Variants in SLCO1C1 observed in about 807,000 individuals in gnomAD.
SLCO1C1 encodes solute carrier organic anion transporter family member 1C1.
In SLCO1C1, 70 loss-of-function variants were observed where a neutral mutation model predicts 76.4. That is an observed-to-expected ratio of 0.92 (90% CI 0.76 to 1.12). SLCO1C1 has a LOEUF of 1.12. SLCO1C1 is among the 50% of genes most tolerant of loss of function. SLCO1C1 has a pLI of 0.00. For synonymous variants in SLCO1C1, 306 were observed against 286.1 expected (o/e 1.07, Z -0.70); for missense variants, 912 against 823.8 (o/e 1.11, Z -1.31).
At chr12:20,740,052 T>C (rs1041555896) in intron 11 of SLCO1C1, 132 bp from the exon 12 acceptor site, 9 of 904,470 alleles carry the variant, frequency 1.0e-5, no homozygotes, top group Admixed American at 2.9e-5. Context: ...TATACTGTAA[T>C]ACAAAAAAAT....
intron 12 of SLCO1C1, among the ~76,000 whole-genome samples, chr12:20,740,787 T>TTTTATATATATATATATA (rs1217819863): frequency 4.4e-4 from 33 of 75,072 alleles, no homozygotes; most frequent in African/African-American, 1.6e-3. Context: ...TTTATTTTAT[T>TTTTATATATATATATATA]TATATATATA....
intron 7 of SLCO1C1, among the ~76,000 whole-genome samples, chr12:20,718,967 AT>A (rs969684069): frequency 1.3e-5 from 2 of 152,132 alleles, no homozygotes; most frequent in Non-Finnish European, 2.9e-5. Context: ...CAGATACTAT[AT>A]ATTTTTTAAA....
At chr12:20,713,083 CTTT>C (rs71039973) in intron 5 of SLCO1C1, among the ~76,000 whole-genome samples, 1 of 142,584 alleles carries the variant, frequency 7.0e-6, no homozygotes, top group Non-Finnish European at 1.5e-5. Context: ...AAGATGTTTT[CTTT>C]TTTTTTTTTT....
At chr12:20,716,832 G>A (rs1471630648) in intron 6 of SLCO1C1, among the ~76,000 whole-genome samples, 1 of 152,084 alleles carries the variant, frequency 6.6e-6, no homozygotes, top group Non-Finnish European at 1.5e-5. Flanking sequence ...TATCAATGAG[G>A]AATCTAATCC....
Position 20,737,215 on chromosome 12 carries a change from A to T in SLCO1C1, c.1491A>T (p.Thr497=), listed in dbSNP as rs1350700138. The T allele has an allele frequency of 6.4e-7, 1 of 1,572,090 alleles. No homozygotes were observed. The highest frequency in any genetic ancestry group is 1.2e-5 in the South Asian group (1 of 82,850). ...CCATGTGCGGTGAAAATGGAATCAC[A>T]TATGTATCAGCTTGTCTTGCTGGTT... ...WEPMCGENGI[T]YVSACLAGCQ... The change falls in exon 11 of 15, where the codon ACA becomes ACT. Residue 497 remains threonine (T), a synonymous_variant. Coordinates refer to ENST00000266509, the MANE Select transcript of SLCO1C1 (RefSeq NM_017435.5).
rs1392783825 is a variant in SLCO1C1, at chr12:20,740,308, C to T, written c.1673C>T (p.Ser558Leu). The T allele has an allele frequency of 6.2e-7, 1 of 1,613,826 alleles. No individual in the cohort carries two copies. Among genetic ancestry groups the T allele is most frequent in the Non-Finnish European group, 8.5e-7 (1 of 1,179,942 alleles). The change falls in exon 12 of 15, where the codon TCA becomes TTA. Residue 558 changes from serine to leucine, a missense_variant. Transcript: ENST00000266509. ...PQMFLYFLVI[S>L]VITSYTLSLG... ...ATGTTTCTGTATTTCCTTGTAATTT[C>T]AGTCATCACATCCTATACTTTATCC...
chr12:20,723,074 T>C lies in SLCO1C1; in HGVS notation c.1022-16T>C, dbSNP rs779704340. 2 of 1,602,286 alleles carry C rather than the reference T, an allele frequency of 1.2e-6. No homozygotes were observed. The highest frequency in any genetic ancestry group is 3.5e-5 in the Admixed American group (2 of 57,346). ...GACACCAACTTTAATTAGTCTATGT[T>C]ATTTTTGTTTTACAGATTTTCTTCC... On this transcript the variant is annotated splice_polypyrimidine_tract_variant and intron_variant, in intron 8 of 14. Transcript: ENST00000266509.
rs1423842864 is a variant in SLCO1C1, at chr12:20,701,460, G to A, written c.271+1G>A. ...GTTATTGATGGTAGTTTTGAAATTGGTAGGTATTACAGATGCCTGACTTTA... is the reference window on the plus strand; with the variant it reads ...GTTATTGATGGTAGTTTTGAAATTGATAGGTATTACAGATGCCTGACTTTA... On this transcript the variant is annotated splice_donor_variant, in intron 3 of 14. Transcript: ENST00000266509. LOFTEE classifies it high-confidence loss of function. 1 of 1,500,904 alleles carries A rather than the reference G, an allele frequency of 6.7e-7. No homozygotes were observed. Among genetic ancestry groups the A allele is most frequent in the Admixed American group, 1.8e-5 (1 of 56,100 alleles). The allele number at this position is 1,500,904 out of a possible 1,614,324, so 93.0% of individuals were successfully genotyped here. A position where few individuals can be genotyped will look rare whatever the true frequency, so the allele number is the denominator to read the frequency against.
At chr12:20,743,653 G>A (rs1261846124) in intron 13 of SLCO1C1, among the ~76,000 whole-genome samples, 1 of 151,954 alleles carries the variant, frequency 6.6e-6, no homozygotes, top group Non-Finnish European at 1.5e-5. Flanking sequence ...TAGTACTTGT[G>A]TGTTCTTACA....
rs996552819 is a variant in SLCO1C1, at chr12:20,709,887, CAAAAAAAAAAAAAAAAAAAA to C, written c.405-1480_405-1461del. Among the ~76,000 whole-genome samples the C allele has an allele frequency of 9.9e-4, 2 of 2,024 alleles. 1 individual carries two copies. Among genetic ancestry groups the C allele is most frequent in the Non-Finnish European group, 3.1e-3 (2 of 640 alleles). 1.3% of individuals were successfully genotyped at this position (2,024 alleles called of 152,430 possible). ...TGGGCGACAGAGCGAGACTCCGTCTCAAAAAAAAAAAAAAAAAAAAAAAAAAAAAAAAAAAAAAGAATTGA... is the reference window on the plus strand; with the variant it reads ...TGGGCGACAGAGCGAGACTCCGTCTCAAAAAAAAAAAAAAAAAAGAATTGA... On this transcript the variant is annotated intron_variant, in intron 4 of 14. Transcript: ENST00000266509.
chr12:20,726,054 G>A (rs1947969068), intron 9 of SLCO1C1, among the ~76,000 whole-genome samples: 3 of 152,046 alleles, frequency 2.0e-5, no homozygotes, highest in African/African-American at 7.2e-5. Context: ...AGCCGACTAA[G>A]CGTAAGTGGG....
At chr12:20,711,557 A>T in intron 5 of SLCO1C1, 47 bp downstream of exon 5, 1 of 1,577,364 alleles carries the variant, frequency 6.3e-7, no homozygotes, top group Non-Finnish European at 8.7e-7. Flanking sequence ...TAAAAAAAAG[A>T]CTTTATATGT....
At chr12:20,745,551 G>A (rs988512705) in intron 13 of SLCO1C1, among the ~76,000 whole-genome samples, 1 of 152,118 alleles carries the variant, frequency 6.6e-6, no homozygotes, top group Non-Finnish European at 1.5e-5. Context: ...AAGGCTGGGT[G>A]CGGTGGCTCA....
chr12:20,720,534 T>C (rs1373696028), intron 7 of SLCO1C1, among the ~76,000 whole-genome samples: 1 of 152,210 alleles, frequency 6.6e-6, no homozygotes, highest in Non-Finnish European at 1.5e-5. Flanking sequence ...GAGGTCAAAA[T>C]ATCCACATTA....
intron 9 of SLCO1C1, among the ~76,000 whole-genome samples, chr12:20,725,111 A>C (rs1947902733): frequency 1.5e-5 from 2 of 137,306 alleles, no homozygotes; most frequent in African/African-American, 2.6e-5. Flanking sequence ...AACATGATAT[A>C]TAACTATCAT....
At chr12:20,751,989 C>T (rs1949329066) in intron 14 of SLCO1C1, among the ~76,000 whole-genome samples, 1 of 152,056 alleles carries the variant, frequency 6.6e-6, no homozygotes, top group South Asian at 2.1e-4. Context: ...TAAAATTATA[C>T]TGGGCCAGCA....
chr12:20,723,302 G>T (rs763417078), intron 9 of SLCO1C1, 48 bp downstream of exon 9: 5 of 1,566,666 alleles, frequency 3.2e-6, no homozygotes, highest in Non-Finnish European at 8.6e-7. Context: ...TGTCTTAGAG[G>T]TACCTGATTA....
chr12:20,704,925 A>C (rs1216866393), intron 3 of SLCO1C1, among the ~76,000 whole-genome samples: 1 of 151,928 alleles, frequency 6.6e-6, no homozygotes, highest in African/African-American at 2.4e-5. Flanking sequence ...AAAACCCTAA[A>C]CAATGTTTAT....
intron 1 of SLCO1C1, 24 bp downstream of exon 1, chr12:20,695,831 A>C (rs1357933188): frequency 6.6e-6 from 1 of 152,024 alleles, no homozygotes; most frequent in Non-Finnish European, 1.5e-5. Context: ...CTCTCATTTT[A>C]TATTTTGTGA....
Sources: allele counts gnomAD v4.1 joint callset (sites outside exome capture counted in the v4.1 genomes callset), GRCh38; gene constraint gnomAD v4.1.1; transcripts MANE v1.5; gene names NCBI Gene and HGNC (gene_info 2026-07-23, HGNC 2026-07-21).